Variants in CBX6 observed in about 807,000 individuals in gnomAD.
The protein encoded by CBX6 is chromobox 6, also known as chromobox protein homolog 6.
In CBX6, 7 loss-of-function variants were observed where a neutral mutation model predicts 28.4. The observed-to-expected ratio is 0.25, with a 90% CI of 0.14 to 0.46. The LOEUF is 0.46. Ranked by LOEUF, CBX6 falls within the 20% of genes least tolerant of loss-of-function variation. The pLI is 0.99. For synonymous variants in CBX6, 297 were observed against 273.4 expected (o/e 1.09, Z -0.85); for missense variants, 512 against 606.1 (o/e 0.84, Z 1.63).
At position 38,866,916 on chromosome 22, in the gene CBX6, G is replaced by A. The variant is rs1483002962; in HGVS notation, c.532C>T (p.Leu178=). Residue 178 remains leucine, a synonymous_variant, in exon 5 of 5, where the codon CTG becomes TTG. Transcript: ENST00000407418. The surrounding 1 kb of genome is among the most constrained non-coding windows in gnomAD (Gnocchi z 7.5). ...CCAGCGCCCTTGTCGATCACCTTCA[G>A]GTTCAGGATGATGCGGTTCCGCTTG... ...EPKRNRIILN[L]KVIDKGAGGG... is the part of the protein sequence containing the mutation. The A allele has an allele frequency of 1.9e-6, 3 of 1,604,630 alleles. No homozygotes were observed. The highest frequency in any genetic ancestry group is 1.3e-5 in the African/African-American group (1 of 74,688).
Position 38,866,574 on chromosome 22 carries a change from G to T in CBX6, c.874C>A (p.Pro292Thr). The T allele has an allele frequency of 6.3e-7, 1 of 1,575,224 alleles. No individual in the cohort carries two copies. The highest frequency in any genetic ancestry group is 8.6e-7 in the Non-Finnish European group (1 of 1,167,974). Residue 292 changes from proline (P) to threonine (T), a missense_variant, in exon 5 of 5, where the codon CCC becomes ACC. By Grantham distance (38) the Pro-to-Thr change is conservative (BLOSUM62 -1). Around this residue, in one of 7 missense-constraint regions of CBX6, gnomAD observed 290 missense variants for 274.1 expected, o/e 1.06. Coordinates refer to ENST00000407418, the MANE Select transcript of CBX6 (RefSeq NM_014292.5). The surrounding 1 kb of genome is among the most constrained non-coding windows in gnomAD (Gnocchi z 7.5). ...TPQSSDPDDT[P>T]PKLLPETVSP... Reference sequence around the variant, plus strand: ...ACGGTCTCGGGGAGGAGCTTGGGGGGCGTGTCGTCGGGGTCAGAGGACTGT... The same window carrying T: ...ACGGTCTCGGGGAGGAGCTTGGGGGTCGTGTCGTCGGGGTCAGAGGACTGT...
chr22:38,867,439 A>G (rs375482240), intron 4 of CBX6, among the ~76,000 whole-genome samples: 9 of 152,252 alleles, frequency 5.9e-5, no homozygotes, highest in Admixed American at 5.9e-4. Flanking sequence ...CCCAATTCCA[A>G]AACTGTGTTT....
In CBX6 at chr22:38,867,292, T is replaced by C; in HGVS notation, c.247-91A>G. 4 of 1,138,894 alleles carry C rather than the reference T, an allele frequency of 3.5e-6. No individual in the cohort carries two copies. The South Asian group carries it at 6.3e-5, about 18-fold the overall frequency. The allele number at this position is 1,138,894 out of a possible 1,614,324, so 70.5% of individuals were successfully genotyped here. A position where few individuals can be genotyped will look rare whatever the true frequency, so the allele number is the denominator to read the frequency against. On this transcript the variant is annotated intron_variant, in intron 4 of 4. Transcript: ENST00000407418. ...ACGCCAGCCAGCCCTAAGTAGAGCC[T>C]CTCAGCCAGCGATCCCGAGATCATT... is the stretch of plus-strand genomic sequence containing the variant.
At chr22:38,867,833 C>T (rs564239925) in intron 4 of CBX6, among the ~76,000 whole-genome samples, 1 of 152,384 alleles carries the variant, frequency 6.6e-6, no homozygotes, top group South Asian at 2.1e-4. Flanking sequence ...CTTGTCTGCC[C>T]AGTGCCTGGC....
Position 38,863,054 on chromosome 22 carries a change from A to G in CBX6, c.*3155T>C, listed in dbSNP as rs2093161247. The stretch of plus-strand genomic sequence containing the variant: ...CTTGACCCCTTTGCAGGGTGAGAAC[A>G]AAGAGGGGTTGTGGGCAGCTGGGGG... On this transcript the variant is annotated 3_prime_UTR_variant, in exon 5 of 5. Transcript: ENST00000407418. 6.6e-6 allele frequency: 1 copy of G among 152,212 alleles called. No individual in the cohort carries two copies. The highest frequency in any genetic ancestry group is 1.5e-5 in the Non-Finnish European group (1 of 68,044). The allele number at this position is 152,212 out of a possible 1,614,324, so 9.4% of individuals were successfully genotyped here.
At position 38,864,614 on chromosome 22, in the gene CBX6, CG is replaced by C. The variant is rs2093165212; in HGVS notation, c.*1594del. ...CCCGGGGAGGGGAGGGCTAGGGCCA[CG>C]CTGTGGGCCCTGGCAGGGAGATTGG... On this transcript the variant is annotated 3_prime_UTR_variant, in exon 5 of 5. Transcript: ENST00000407418. 1 of 152,526 alleles carries C rather than the reference CG, an allele frequency of 6.6e-6. No individual in the cohort carries two copies. Among genetic ancestry groups the C allele is most frequent in the African/African-American group, 2.4e-5 (1 of 41,446 alleles). 9.4% of individuals were successfully genotyped at this position (152,526 alleles called of 1,614,324 possible). A position where few individuals can be genotyped will look rare whatever the true frequency, so the allele number is the denominator to read the frequency against.
intron 4 of CBX6, among the ~76,000 whole-genome samples, chr22:38,868,060 T>C (rs746019354): frequency 1.4e-4 from 21 of 152,330 alleles, no homozygotes; most frequent in Admixed American, 5.9e-4. Flanking sequence ...CTTCCAGGCA[T>C]GAAATCTCTT....
chr22:38,872,113 G>A lies in CBX6; in HGVS notation c.69+9C>T. 2 of 1,386,612 alleles carry A rather than the reference G, an allele frequency of 1.4e-6. No individual in the cohort carries two copies. Among genetic ancestry groups the A allele is most frequent in the South Asian group, 2.9e-5 (2 of 69,674 alleles). 85.9% of individuals were successfully genotyped at this position (1,386,612 alleles called of 1,614,324 possible). On this transcript the variant is annotated intron_variant, in intron 1 of 4. Transcript: ENST00000407418. This position sits in a 1 kb window ranked among gnomAD's most constrained non-coding sequence, Gnocchi z 5.0. ...GGACAGCGGCGGCCCGCCCCGGGCGGCGGCTCACCTTTCGGATCCGCCGTT... is the reference window on the plus strand; with the variant it reads ...GGACAGCGGCGGCCCGCCCCGGGCGACGGCTCACCTTTCGGATCCGCCGTT...
rs1005333233 is a variant in CBX6 at position 38,866,620 on chromosome 22, G to A, written c.828C>T (p.Ser276=). ...ACTGTGGTGTAGGCGAGGGGCAGCC[G>A]GAGGAGCCAGAGCTGCGGGCGTCGT... is the stretch of plus-strand genomic sequence containing the variant. ...APYDARSSGS[S]GCPSPTPQSS... Residue 276 remains serine (S), a synonymous_variant, in exon 5 of 5, where the codon TCC becomes TCT. Transcript: ENST00000407418. The surrounding 1 kb of genome is among the most constrained non-coding windows in gnomAD (Gnocchi z 7.5). 10 of 1,528,260 alleles carry A rather than the reference G, an allele frequency of 6.5e-6. No homozygotes were observed. In the African/African-American group the frequency reaches 1.1e-4, roughly 17 times the overall value. 94.7% of individuals were successfully genotyped at this position (1,528,260 alleles called of 1,614,324 possible). A position where few individuals can be genotyped will look rare whatever the true frequency, so the allele number is the denominator to read the frequency against.
In CBX6 at chr22:38,866,152, A is replaced by G; in HGVS notation, c.*57T>C. On this transcript the variant is annotated 3_prime_UTR_variant, in exon 5 of 5. Coordinates refer to ENST00000407418, the MANE Select transcript of CBX6 (RefSeq NM_014292.5). The surrounding 1 kb of genome is among the most constrained non-coding windows in gnomAD (Gnocchi z 7.5). Reference sequence around the variant, plus strand: ...TGGGGGCAAGGGTGGGGTGGGAGCAAGAGTATGACTTCGGGCAGGAGGGCC... The same window carrying G: ...TGGGGGCAAGGGTGGGGTGGGAGCAGGAGTATGACTTCGGGCAGGAGGGCC... 1 of 1,247,154 alleles carries G rather than the reference A, an allele frequency of 8.0e-7. No individual in the cohort carries two copies. The highest frequency in any genetic ancestry group is 1.1e-6 in the Non-Finnish European group (1 of 887,684). The allele number at this position is 1,247,154 out of a possible 1,614,324, so 77.3% of individuals were successfully genotyped here. A position where few individuals can be genotyped will look rare whatever the true frequency, so the allele number is the denominator to read the frequency against.
At position 38,866,995 on chromosome 22, in the gene CBX6, C is replaced by T. The variant is rs377646595; in HGVS notation, c.453G>A (p.Ser151=). The change falls in exon 5 of 5, where the codon TCG becomes TCA. Residue 151 remains serine, a synonymous_variant. Transcript: ENST00000407418. This position sits in a 1 kb window ranked among gnomAD's most constrained non-coding sequence, Gnocchi z 7.5. ...TGATGCGCACCGTCTCCGAGAAGGGCGAAATGGGCGGGCGCAGTCCGGGGC... is the reference window on the plus strand; with the variant it reads ...TGATGCGCACCGTCTCCGAGAAGGGTGAAATGGGCGGGCGCAGTCCGGGGC... ...GGSPGLRPPI[S]PFSETVRIIN... is the part of the protein sequence containing the mutation. 54 of 1,607,752 alleles carry T rather than the reference C, an allele frequency of 3.4e-5. No individual in the cohort carries two copies. The highest frequency in any genetic ancestry group is 3.1e-4 in the African/African-American group (23 of 74,834).
chr22:38,872,051 C>T lies in CBX6; in HGVS notation c.69+71G>A. On this transcript the variant is annotated intron_variant, in intron 1 of 4. Transcript: ENST00000407418. The surrounding 1 kb of genome is among the most constrained non-coding windows in gnomAD (Gnocchi z 5.0). Reference sequence around the variant, plus strand: ...CGAGGGAGCCGGGCTAGCGGGACCGCTTCGCCCCGAGGGCCCCCGGCCCCG... The same window carrying T: ...CGAGGGAGCCGGGCTAGCGGGACCGTTTCGCCCCGAGGGCCCCCGGCCCCG... The T allele has an allele frequency of 2.3e-6, 3 of 1,303,630 alleles. No homozygotes were observed. Among genetic ancestry groups the T allele is most frequent in the East Asian group, 3.2e-5 (1 of 31,192 alleles). 80.8% of individuals were successfully genotyped at this position (1,303,630 alleles called of 1,614,324 possible).
In CBX6 at chr22:38,866,274, C is replaced by G; in HGVS notation, c.1174G>C (p.Glu392Gln). The change falls in exon 5 of 5, where the codon GAG (glutamate) becomes CAG (glutamine). Residue 392 changes from glutamate to glutamine, a missense_variant. Coordinates refer to ENST00000407418, the MANE Select transcript of CBX6 (RefSeq NM_014292.5). The surrounding 1 kb of genome is among the most constrained non-coding windows in gnomAD (Gnocchi z 7.5). ...CCTGCTACCCCAGCAGCCACCTTCT[C>G]GAAATCCTCAGGGTTGCAGAATTCC... is the stretch of plus-strand genomic sequence containing the variant. Reference protein sequence around the residue: ...IKEFCNPEDFEKVAAGVAGAA... With the variant: ...IKEFCNPEDFQKVAAGVAGAA... The G allele has an allele frequency of 2.5e-6, 4 of 1,613,882 alleles. No individual in the cohort carries two copies. Among genetic ancestry groups the G allele is most frequent in the Non-Finnish European group, 3.4e-6 (4 of 1,179,964 alleles).
Position 38,866,476 on chromosome 22 carries a change from G to A in CBX6, c.972C>T (p.Thr324=), listed in dbSNP as rs765389670. 3.4e-5 allele frequency: 55 copies of A among 1,600,702 alleles called. No individual in the cohort carries two copies. The highest frequency in any genetic ancestry group is 1.7e-4 in the Middle Eastern group (1 of 6,008). Residue 324 remains threonine, a synonymous_variant, in exon 5 of 5, where the codon ACC becomes ACT. Coordinates refer to ENST00000407418, the MANE Select transcript of CBX6 (RefSeq NM_014292.5). The surrounding 1 kb of genome is among the most constrained non-coding windows in gnomAD (Gnocchi z 7.5). ...DLSLPPESAA[T]SKRAPPEVTA... is the part of the protein sequence containing the mutation. Reference sequence around the variant, plus strand: ...TGACCTCAGGCGGTGCCCGCTTGCTGGTGGCTGCCGACTCGGGAGGGAGGG... The same window carrying A: ...TGACCTCAGGCGGTGCCCGCTTGCTAGTGGCTGCCGACTCGGGAGGGAGGG...
At position 38,871,706 on chromosome 22, in the gene CBX6, T is replaced by G. The variant is rs1324740905; in HGVS notation, c.165A>C (p.Ala55=). 6.2e-7 allele frequency: 1 copy of G among 1,613,398 alleles called. No individual in the cohort carries two copies. The highest frequency in any genetic ancestry group is 1.3e-5 in the African/African-American group (1 of 75,016). ...EENILDSRLI[A]AFEQKERERE... is the part of the protein sequence containing the mutation. ...CAACAACTCACTTTTGTTCGAAGGC[T>G]GCAATGAGCCGCGAGTCCAGGATGT... The change falls in exon 3 of 5, where the codon GCA becomes GCC. Residue 55 remains alanine (A), a synonymous_variant. Coordinates refer to ENST00000407418, the MANE Select transcript of CBX6 (RefSeq NM_014292.5). The surrounding 1 kb of genome is among the most constrained non-coding windows in gnomAD (Gnocchi z 5.6).
At chr22:38,867,283 A>C (rs975584745) in intron 4 of CBX6, 82 bp from the exon 5 acceptor site, 18 of 1,259,320 alleles carry the variant, frequency 1.4e-5, no homozygotes, top group Non-Finnish European at 1.9e-5. Flanking sequence ...GCCAGCCCTA[A>C]GTAGAGCCTC....
Position 38,866,684 on chromosome 22 carries a change from G to C in CBX6, c.764C>G (p.Pro255Arg). 6.4e-7 allele frequency: 1 copy of C among 1,553,070 alleles called. No individual in the cohort carries two copies. The highest frequency in any genetic ancestry group is 8.7e-7 in the Non-Finnish European group (1 of 1,152,226). Residue 255 changes from proline to arginine, a missense_variant, in exon 5 of 5, where the codon CCG (proline) becomes CGG (arginine). This residue lies in a region of CBX6 where 290 missense variants were observed against 274.1 expected (regional missense o/e 1.06). Coordinates refer to ENST00000407418, the MANE Select transcript of CBX6 (RefSeq NM_014292.5). This position sits in a 1 kb window ranked among gnomAD's most constrained non-coding sequence, Gnocchi z 7.5. ...GGCGGCCAGAAGTAGCCCAGGGCCC[G>C]GGGCTGAGGCCTCAGCCTTGCCGGG... ...PSPGKAEASA[P>R]GPGLLLAAPA...
At position 38,866,518 on chromosome 22, in the gene CBX6, C is replaced by A; in HGVS notation, c.930G>T (p.Pro310=). The A allele has an allele frequency of 6.3e-7, 1 of 1,582,560 alleles. No homozygotes were observed. The highest frequency in any genetic ancestry group is 8.5e-7 in the Non-Finnish European group (1 of 1,170,986). Residue 310 remains proline, a synonymous_variant, in exon 5 of 5, where the codon CCG becomes CCT. Transcript: ENST00000407418. This position sits in a 1 kb window ranked among gnomAD's most constrained non-coding sequence, Gnocchi z 7.5. ...GAGGGAGGGACAGGTCGAGCACCTCCGGCTCGCGCCAGCTGGGGGCGGATG... is the reference window on the plus strand; with the variant it reads ...GAGGGAGGGACAGGTCGAGCACCTCAGGCTCGCGCCAGCTGGGGGCGGATG... ...VSPSAPSWRE[P]EVLDLSLPPE...
At chr22:38,867,223 G>A (rs757782806) in intron 4 of CBX6, 22 bp from the exon 5 acceptor site, 2 of 1,515,248 alleles carry the variant, frequency 1.3e-6, no homozygotes, top group Non-Finnish European at 1.8e-6. Flanking sequence ...GGGAGGGGTG[G>A]GTGGGACCTC....
Sources: allele counts gnomAD v4.1 joint callset (sites outside exome capture counted in the v4.1 genomes callset), GRCh38; gene constraint gnomAD v4.1.1; regional missense constraint gnomAD v4.1.1; non-coding constraint Gnocchi (gnomAD v3.1); transcripts MANE v1.5; gene names NCBI Gene and HGNC (gene_info 2026-07-23, HGNC 2026-07-21).